The following MAPK6 variants were observed in gnomAD, a reference collection of about 807,000 sequenced individuals.
MAPK6 encodes the protein mitogen-activated protein kinase 6, also known as ERK-3.
Under a neutral mutation model 59.3 loss-of-function variants are expected in MAPK6, and 19 were observed. The observed-to-expected ratio is 0.32, with a 90% CI of 0.22 to 0.47. The LOEUF (loss-of-function observed/expected upper bound fraction) is 0.47. Among genes scored for constraint, MAPK6 ranks in the 20% least tolerant of loss-of-function variants. The pLI is 1.00. For missense variants in MAPK6, 724 were observed against 847.9 expected, an observed-to-expected ratio of 0.85 and a Z score of 1.81; for synonymous variants, 316 against 290.3, an observed-to-expected ratio of 1.09 and a Z score of -0.90.
chr15:52,035,609 G>A (rs2031213597), intron 1 of MAPK6: 1 of 150,560 alleles, frequency 6.6e-6, no homozygotes, highest in Non-Finnish European at 1.5e-5. Context: ...GGGTGACAGA[G>A]CGAGACACCA....
chr15:52,031,674 A>G (rs577888821), intron 1 of MAPK6, among the ~76,000 whole-genome samples: 1 of 152,252 alleles, frequency 6.6e-6, no homozygotes, highest in South Asian at 2.1e-4. Context: ...CTACCAAGAT[A>G]ATAAAAAATT....
At position 52,063,830 on chromosome 15, in the gene MAPK6, T is replaced by C. The variant is rs1207349719; in HGVS notation, c.1068-72T>C. 3.0e-6 allele frequency: 4 copies of C among 1,355,540 alleles called. No homozygotes were observed. The East Asian group carries it at 7.0e-5, about 24-fold the overall frequency. The allele number at this position is 1,355,540 out of a possible 1,614,324, so 84.0% of individuals were successfully genotyped here. On this transcript the variant is annotated intron_variant, in intron 5 of 5. Coordinates refer to ENST00000261845, the MANE Select transcript of MAPK6 (RefSeq NM_002748.4). The stretch of plus-strand genomic sequence containing the variant: ...ATAGACCTAGCACAGTGCTGTCACA[T>C]AGAAGGTACTCGGTGAATTTGAAAA...
At chr15:51,979,030 G>T in intron 1 of MAPK6, among the ~76,000 whole-genome samples, 1 of 150,700 alleles carries the variant, frequency 6.6e-6, no homozygotes, top group Non-Finnish European at 1.5e-5. Context: ...AGGATCATTT[G>T]AGGCTGGGAA....
chr15:52,060,780 A>G (rs997796939), intron 4 of MAPK6, among the ~76,000 whole-genome samples: 5 of 152,254 alleles, frequency 3.3e-5, no homozygotes, highest in African/African-American at 1.2e-4. Context: ...TTAGTACAAC[A>G]GAGATGTTTT....
chr15:52,007,632 G>C lies in MAPK6; in HGVS notation c.-632+3230G>C, dbSNP rs574663078. ...CAGGAGGATTTGCTTGAGCCCAGGA[G>C]GCCAAGGCTGTAGTGAGCTGTGTTT... On this transcript the variant is annotated intron_variant, in intron 3 of 7. Transcript: ENST00000691380. 2.6e-5 allele frequency among the ~76,000 whole-genome samples: 4 copies of C among 151,840 alleles called. No homozygotes were observed. The East Asian group carries it at 7.7e-4, about 29-fold the overall frequency.
chr15:51,978,680 GA>G (rs1213548383), intron 1 of MAPK6, among the ~76,000 whole-genome samples: 1 of 150,968 alleles, frequency 6.6e-6, no homozygotes, highest in Non-Finnish European at 1.5e-5. Flanking sequence ...AACAAAACAA[GA>G]AAAAAACTTT....
At chr15:52,012,379 C>T (rs2030079878) in intron 3 of MAPK6, among the ~76,000 whole-genome samples, 1 of 152,144 alleles carries the variant, frequency 6.6e-6, no homozygotes, top group African/African-American at 2.4e-5. Flanking sequence ...AGGTGTGGTA[C>T]CCCCTGGGAC....
At chr15:52,044,926 C>CTTTTT (rs80337297) in intron 1 of MAPK6, among the ~76,000 whole-genome samples, 2 of 130,776 alleles carry the variant, frequency 1.5e-5, no homozygotes, top group Non-Finnish European at 3.2e-5. Context: ...TTTTTTTTTC[C>CTTTTT]TTTTTTTTTT....
At chr15:52,062,055 A>T in intron 5 of MAPK6, among the ~76,000 whole-genome samples, 1 of 151,126 alleles carries the variant, frequency 6.6e-6, no homozygotes, top group East Asian at 1.9e-4. Flanking sequence ...TTTGATTCAT[A>T]TTAGATGCAG....
chr15:52,063,667 TG>T (rs1168578328), intron 5 of MAPK6, among the ~76,000 whole-genome samples: 1 of 152,192 alleles, frequency 6.6e-6, no homozygotes, highest in Admixed American at 6.5e-5. Flanking sequence ...TGCATGGAAC[TG>T]GTGGACAAAA....
At chr15:51,996,748 A>G (rs980146447) in intron 2 of MAPK6, among the ~76,000 whole-genome samples, 1 of 152,044 alleles carries the variant, frequency 6.6e-6, no homozygotes, top group African/African-American at 2.4e-5. Context: ...GCTGGAGTGC[A>G]GTGGCATGAC....
intron 1 of MAPK6, among the ~76,000 whole-genome samples, chr15:52,030,963 T>C (rs976551986): frequency 6.6e-6 from 1 of 152,052 alleles, no homozygotes; most frequent in African/African-American, 2.4e-5. Context: ...GGCTCATTTT[T>C]TTGTATTTTT....
intron 1 of MAPK6, among the ~76,000 whole-genome samples, chr15:51,982,043 C>A (rs1034489837): frequency 2.0e-5 from 3 of 152,132 alleles, no homozygotes; most frequent in African/African-American, 7.2e-5. Flanking sequence ...ATCCCAACAG[C>A]ACAAACACAG....
At chr15:52,060,496 T>C (rs2032158751) in intron 4 of MAPK6, among the ~76,000 whole-genome samples, 1 of 152,150 alleles carries the variant, frequency 6.6e-6, no homozygotes, top group African/African-American at 2.4e-5. Flanking sequence ...ATGAGCCAGA[T>C]ATGGGATATT....
rs1389351523 is a variant in MAPK6, at chr15:52,067,066, A to T, written c.*2066A>T. The T allele has an allele frequency of 6.6e-6, 1 of 152,124 alleles. No homozygotes were observed. Among genetic ancestry groups the T allele is most frequent in the Non-Finnish European group, 1.5e-5 (1 of 68,002 alleles). The allele number at this position is 152,124 out of a possible 1,614,324, so 9.4% of individuals were successfully genotyped here. On this transcript the variant is annotated 3_prime_UTR_variant, in exon 6 of 6. Transcript: ENST00000261845. ...ATTATAACCAATTTTTTGCAAACGT[A>T]TGTTGATTTTGAGAATAATTAGCTT...
At chr15:52,022,127 C>G (rs975472863) in intron 1 of MAPK6, among the ~76,000 whole-genome samples, 7 of 152,000 alleles carry the variant, frequency 4.6e-5, no homozygotes, top group Non-Finnish European at 8.8e-5. Flanking sequence ...AGTTCAAGAC[C>G]AGTCTGGGCA....
chr15:51,992,765 C>T (rs920739221), intron 2 of MAPK6, among the ~76,000 whole-genome samples: 6 of 152,062 alleles, frequency 3.9e-5, no homozygotes, highest in African/African-American at 1.4e-4. Context: ...CTTATGTTTA[C>T]CAATTTATCG....
At chr15:52,020,872 A>G (rs1440313815) in intron 1 of MAPK6, among the ~76,000 whole-genome samples, 1 of 152,246 alleles carries the variant, frequency 6.6e-6, no homozygotes, top group Non-Finnish European at 1.5e-5. Context: ...AGCTTGTAAA[A>G]TTATTCATTG....
chr15:52,063,473 G>A (rs1412473221), intron 5 of MAPK6, among the ~76,000 whole-genome samples: 1 of 152,096 alleles, frequency 6.6e-6, no homozygotes, highest in African/African-American at 2.4e-5. Flanking sequence ...TACACAGGGA[G>A]ATTTTTGCTA....
Sources: allele counts gnomAD v4.1 joint callset (sites outside exome capture counted in the v4.1 genomes callset), GRCh38; gene constraint gnomAD v4.1.1; transcripts MANE v1.5; gene names NCBI Gene and HGNC (gene_info 2026-07-23, HGNC 2026-07-21).